Variants in UNC79 observed in about 807,000 individuals in gnomAD.
UNC79 encodes protein unc-79 homolog.
Under a neutral mutation model 283.1 loss-of-function variants are expected in UNC79, and 37 were observed. The observed-to-expected ratio is 0.13, with a 90% CI of 0.10 to 0.17. The LOEUF (loss-of-function observed/expected upper bound fraction) is 0.17, where lower values mean the gene tolerates loss of function less well. UNC79 is among the 10% of genes least tolerant of loss of function. The pLI is 1.00. For missense variants in UNC79, 2,272 were observed against 3,211.1 expected, an observed-to-expected ratio of 0.71 and a Z score of 7.07; for synonymous variants, 1,107 against 1,200.2, an observed-to-expected ratio of 0.92 and a Z score of 1.61.
At chr14:93,523,895 A>G (rs1330411829) in intron 7 of UNC79, 83 bp from the exon 8 acceptor site, 2 of 1,456,010 alleles carry the variant, frequency 1.4e-6, no homozygotes, top group African/African-American at 1.4e-5. Context: ...GTTTAGAAAA[A>G]AGAAAATAGT....
In UNC79 at chr14:93,704,688, T is replaced by A. The variant is rs79884286; in HGVS notation, c.7590+22T>A. 1.5e-5 allele frequency: 24 copies of A among 1,613,748 alleles called. No homozygotes were observed. In the African/African-American group the frequency reaches 2.4e-4, roughly 16 times the overall value. On this transcript the variant is annotated intron_variant, in intron 48 of 48. Transcript: ENST00000555664. ...CAAGGTAAGTCACTCCCTGGGCTGA[T>A]TGGAAGCTCGGTTTCCTGCAGAGAA...
At chr14:93,341,284 C>T (rs1299186291) in intron 1 of UNC79, among the ~76,000 whole-genome samples, 2 of 151,794 alleles carry the variant, frequency 1.3e-5, no homozygotes, top group African/African-American at 2.4e-5. Flanking sequence ...TGGAGAAACC[C>T]CGTCTCTACT....
chr14:93,474,176 C>G lies in UNC79; in HGVS notation c.231C>G (p.Phe77Leu). 1 of 1,536,094 alleles carries G rather than the reference C, an allele frequency of 6.5e-7. No individual in the cohort carries two copies. The highest frequency in any genetic ancestry group is 2.4e-5 in the East Asian group (1 of 40,906). Residue 77 changes from phenylalanine (F) to leucine (L), a missense_variant, in exon 3 of 49, where the codon TTC becomes TTG. Phe to Leu is a conservative substitution (Grantham distance 22). Coordinates refer to ENST00000555664, the Ensembl canonical transcript of UNC79. The surrounding 1 kb of genome is among the most constrained non-coding windows in gnomAD (Gnocchi z 4.1). ...CCATGTGTCTTTTTCCTGTGCCATTCCCACTCACCCCATCTCTAAGACCGC... is the reference window on the plus strand; with the variant it reads ...CCATGTGTCTTTTTCCTGTGCCATTGCCACTCACCCCATCTCTAAGACCGC...
At chr14:93,618,935 G>A (rs141561843) in intron 29 of UNC79, among the ~76,000 whole-genome samples, 1,822 of 152,232 alleles carry the variant, frequency 0.012, 19 homozygotes, top group Non-Finnish European at 0.017. Context: ...GGGTAAAATT[G>A]CAGCCTGTTT....
At chr14:93,696,952 G>A (rs929066244) in intron 47 of UNC79, among the ~76,000 whole-genome samples, 1 of 152,062 alleles carries the variant, frequency 6.6e-6, no homozygotes, top group Non-Finnish European at 1.5e-5. Flanking sequence ...TTTGTATATG[G>A]TGTGAGGTGT....
Position 93,621,250 on chromosome 14 carries a change from CA to C in UNC79, c.4388-370del, listed in dbSNP as rs1168431325. Among the ~76,000 whole-genome samples the C allele has an allele frequency of 6.6e-6, 1 of 151,984 alleles. No homozygotes were observed. Among genetic ancestry groups the C allele is most frequent in the African/African-American group, 2.4e-5 (1 of 41,364 alleles). ...TAATGTCATGATCGTCTTTGAGAGC[CA>C]TTGCTTGATTTGATTTGTTGCAAAA... On this transcript the variant is annotated intron_variant, in intron 29 of 48. Transcript: ENST00000555664. The surrounding 1 kb of genome is among the most constrained non-coding windows in gnomAD (Gnocchi z 4.8).
intron 42 of UNC79, among the ~76,000 whole-genome samples, chr14:93,685,645 T>TA (rs1190048794): frequency 6.6e-6 from 1 of 152,182 alleles, no homozygotes; most frequent in Non-Finnish European, 1.5e-5. Flanking sequence ...GTTAAGTCTA[T>TA]AATGTTCCAG....
In UNC79 at chr14:93,418,195, T is replaced by C. The variant is rs1010230604; in HGVS notation, c.-350-49476T>C. Among the ~76,000 whole-genome samples, 178 of 151,912 alleles carry C rather than the reference T, an allele frequency of 1.2e-3. 1 individual carries two copies. Among genetic ancestry groups the C allele is most frequent in the African/African-American group, 4.0e-3 (167 of 41,516 alleles). On this transcript the variant is annotated intron_variant, in intron 1 of 49. Transcript: ENST00000256339. ...ATGATGGTGATGTACAGATGGGTTTTTGGTGTGGATGCCCTTTCTGTTTGT... is the reference window on the plus strand; with the variant it reads ...ATGATGGTGATGTACAGATGGGTTTCTGGTGTGGATGCCCTTTCTGTTTGT...
chr14:93,404,493 A>AAATATATATATATAT, intron 1 of UNC79, among the ~76,000 whole-genome samples: 1 of 61,492 alleles, frequency 1.6e-5, no homozygotes, highest in Non-Finnish European at 3.2e-5. Context: ...TTCTAAAAAA[A>AAATATATATATATAT]ATATATATAT....
At chr14:93,670,717 C>G (rs1471197068) in intron 40 of UNC79, among the ~76,000 whole-genome samples, 11 of 152,194 alleles carry the variant, frequency 7.2e-5, no homozygotes, top group Non-Finnish European at 1.3e-4. Flanking sequence ...CCCTTCTAAG[C>G]ACTTCTCTAA....
intron 1 of UNC79, among the ~76,000 whole-genome samples, chr14:93,376,302 T>C (rs921843510): frequency 2.0e-5 from 3 of 152,196 alleles, no homozygotes; most frequent in Admixed American, 6.5e-5. Flanking sequence ...AACTATCTTA[T>C]AGAGATTTAA....
intron 7 of UNC79, 25 bp downstream of exon 7, chr14:93,497,311 G>A: frequency 6.2e-7 from 1 of 1,603,954 alleles, no homozygotes; most frequent in African/African-American, 1.3e-5. Context: ...GCCCTGTGAT[G>A]CCCCATCTGT....
chr14:93,475,285 T>C (rs1317141321), intron 3 of UNC79, among the ~76,000 whole-genome samples: 1 of 152,220 alleles, frequency 6.6e-6, no homozygotes, highest in Non-Finnish European at 1.5e-5. Context: ...TAACCAAAGT[T>C]TCACTGTACA....
intron 1 of UNC79, among the ~76,000 whole-genome samples, chr14:93,394,655 C>T (rs569299244): frequency 5.9e-5 from 9 of 152,228 alleles, no homozygotes; most frequent in Admixed American, 3.3e-4. Context: ...GATCCACCCT[C>T]CTCAGCCTCC....
chr14:93,634,672 G>A (rs374148466), intron 31 of UNC79, 35 bp downstream of exon 34: 33 of 1,542,040 alleles, frequency 2.1e-5, no homozygotes, highest in Non-Finnish European at 2.7e-5. Context: ...TCTACCTCTC[G>A]GATTAGTGAA....
chr14:93,601,447 G>A (rs1391885203), intron 25 of UNC79, among the ~76,000 whole-genome samples: 1 of 152,114 alleles, frequency 6.6e-6, no homozygotes, highest in Non-Finnish European at 1.5e-5. Flanking sequence ...CTTTTAAATG[G>A]CCAAGTAGTA....
intron 12 of UNC79, among the ~76,000 whole-genome samples, chr14:93,538,984 C>G (rs1351907845): frequency 2.0e-5 from 3 of 151,636 alleles, no homozygotes; most frequent in East Asian, 2.0e-4. Flanking sequence ...CTCACTGCAA[C>G]CTACGCCTCC....
At chr14:93,552,854 T>C (rs1025898640) in intron 14 of UNC79, among the ~76,000 whole-genome samples, 6 of 152,218 alleles carry the variant, frequency 3.9e-5, no homozygotes, top group Admixed American at 2.0e-4. Context: ...CAAAGATAAC[T>C]TGGGGCTCCT....
Position 93,349,818 on chromosome 14 carries a change from C to T in UNC79, c.-351+16295C>T, listed in dbSNP as rs75777488. 3.5e-3 allele frequency among the ~76,000 whole-genome samples: 535 copies of T among 152,300 alleles called. 12 individuals carry two copies. The South Asian group carries it at 0.052, about 15-fold the overall frequency. On this transcript the variant is annotated intron_variant, in intron 1 of 49. Transcript: ENST00000256339. ...AATGTCCTTGTGGTTAAGGTTCTTA[C>T]TCAGGTGAACCTGATGTTCACAGGC...
Sources: allele counts gnomAD v4.1 joint callset (sites outside exome capture counted in the v4.1 genomes callset), GRCh38; gene constraint gnomAD v4.1.1; non-coding constraint Gnocchi (gnomAD v3.1); transcripts MANE v1.5; gene names NCBI Gene and HGNC (gene_info 2026-07-23, HGNC 2026-07-21).